The following SOX5 variants were observed in gnomAD, a reference collection of about 807,000 sequenced individuals.
SOX5 encodes the protein SRY-box transcription factor 5.
In SOX5, 9 loss-of-function variants were observed where a neutral mutation model predicts 92.0. That is an observed-to-expected ratio of 0.10 (90% CI 0.06 to 0.17). The LOEUF is 0.17. Among genes scored for constraint, SOX5 ranks in the 10% least tolerant of loss-of-function variants. SOX5 has a pLI of 1.00. For synonymous variants in SOX5, 344 were observed against 336.3 expected, an observed-to-expected ratio of 1.02 and a Z score of -0.25; for missense variants, 642 against 944.5, an observed-to-expected ratio of 0.68 and a Z score of 4.20.
chr12:24,036,302 G>A lies in SOX5; in HGVS notation c.-1-140278C>T, dbSNP rs11047221. Among the ~76,000 whole-genome samples, 1,674 of 152,138 alleles carry A rather than the reference G, an allele frequency of 0.011. 83 individuals carry two copies. In the East Asian group the frequency reaches 0.15, roughly 14 times the overall value. On this transcript the variant is annotated intron_variant, in intron 4 of 4. Transcript: ENST00000446891. ...CCAGTGCCTCCTGGGCCTTAGGAAG[G>A]GGGTAGTCCCATGTGTAAATGATAA... is the stretch of plus-strand genomic sequence containing the variant.
intron 4 of SOX5, among the ~76,000 whole-genome samples, chr12:24,136,559 T>G (rs1950125656): frequency 6.6e-6 from 1 of 152,198 alleles, no homozygotes. Flanking sequence ...GATGCTCTGA[T>G]GACTAAACTA....
chr12:24,129,990 T>A (rs4963747), intron 4 of SOX5, among the ~76,000 whole-genome samples: 108,030 of 152,076 alleles, frequency 0.71, 38,911 homozygotes, highest in East Asian at 0.9. Flanking sequence ...TGTGTGTACA[T>A]GCCTGCATGT....
At chr12:24,254,021 A>C (rs1161717362) in intron 3 of SOX5, among the ~76,000 whole-genome samples, 1 of 152,172 alleles carries the variant, frequency 6.6e-6, no homozygotes, top group Non-Finnish European at 1.5e-5. Flanking sequence ...GGCTTAGAAC[A>C]GTTCCTGACT....
chr12:23,893,708 A>G (rs541978783), intron 2 of SOX5, among the ~76,000 whole-genome samples: 1 of 152,310 alleles, frequency 6.6e-6, no homozygotes, highest in Admixed American at 6.5e-5. Flanking sequence ...GACAGTGATG[A>G]AAGTATTAAA....
At chr12:23,871,842 C>A (rs2096875591) in intron 2 of SOX5, among the ~76,000 whole-genome samples, 2 of 152,050 alleles carry the variant, frequency 1.3e-5, no homozygotes, top group Non-Finnish European at 2.9e-5. Flanking sequence ...CGGCACTGTG[C>A]CTACAGTTCT....
intron 3 of SOX5, chr12:23,762,566 T>C: frequency 1.8e-6 from 1 of 563,868 alleles, no homozygotes; most frequent in Non-Finnish European, 3.1e-6. Flanking sequence ...GCCAAAATAC[T>C]TGTTTGTTTC....
intron 13 of SOX5, among the ~76,000 whole-genome samples, chr12:23,541,187 T>A (rs981828820): frequency 6.6e-6 from 1 of 152,228 alleles, no homozygotes; most frequent in African/African-American, 2.4e-5. Flanking sequence ...CAGTCATCTC[T>A]TTTCCATAGA....
chr12:23,769,755 A>G (rs1016135321), intron 3 of SOX5, among the ~76,000 whole-genome samples: 1 of 152,164 alleles, frequency 6.6e-6, no homozygotes, highest in South Asian at 2.1e-4. Context: ...CAGGAAGTAA[A>G]GGTCTCTGAA....
chr12:23,713,828 C>T (rs966494893), intron 6 of SOX5, among the ~76,000 whole-genome samples: 3 of 150,464 alleles, frequency 2.0e-5, no homozygotes, highest in Admixed American at 1.3e-4. Context: ...CATGGTGGCT[C>T]ACACTGTAAT....
chr12:23,679,073 G>A (rs2086156900), intron 6 of SOX5, among the ~76,000 whole-genome samples: 1 of 152,064 alleles, frequency 6.6e-6, no homozygotes. Context: ...AATCTTTTCT[G>A]CTATAATACA....
chr12:24,382,473 T>G, intron 1 of SOX5, among the ~76,000 whole-genome samples: 1 of 150,668 alleles, frequency 6.6e-6, no homozygotes. Context: ...GGGAAGTCAG[T>G]GAGGAAAGGG....
intron 2 of SOX5, among the ~76,000 whole-genome samples, chr12:24,329,355 C>T (rs768740107): frequency 2.0e-5 from 3 of 151,892 alleles, no homozygotes; most frequent in Non-Finnish European, 4.4e-5. Context: ...TGGCGGCAGG[C>T]GAGAGAGAAG....
intron 8 of SOX5, among the ~76,000 whole-genome samples, chr12:23,635,510 C>T (rs1269978380): frequency 2.0e-5 from 3 of 151,830 alleles, no homozygotes; most frequent in Non-Finnish European, 4.4e-5. Flanking sequence ...ACACACCACA[C>T]CGGGGCCTGT....
intron 3 of SOX5, among the ~76,000 whole-genome samples, chr12:24,237,219 T>C (rs1964687570): frequency 2.0e-5 from 3 of 152,212 alleles, no homozygotes. Flanking sequence ...TTGATTGGTA[T>C]CTTAAGAAGG....
intron 1 of SOX5, among the ~76,000 whole-genome samples, chr12:23,907,107 C>T (rs1017033620): frequency 6.6e-6 from 1 of 152,062 alleles, no homozygotes; most frequent in Non-Finnish European, 1.5e-5. Context: ...ATTGTTCTAT[C>T]GTTGAATAAA....
At chr12:23,963,327 T>C (rs1469255179) in intron 4 of SOX5, among the ~76,000 whole-genome samples, 1 of 152,184 alleles carries the variant, frequency 6.6e-6, no homozygotes, top group African/African-American at 2.4e-5. Context: ...AAAGGAGACA[T>C]CACTTATGTT....
chr12:24,211,679 A>G (rs1006161645), intron 4 of SOX5, among the ~76,000 whole-genome samples: 2 of 152,218 alleles, frequency 1.3e-5, no homozygotes, highest in African/African-American at 4.8e-5. Context: ...AATGTAGTAG[A>G]CCTGCATCAT....
At chr12:23,795,036 G>A (rs908102777) in intron 3 of SOX5, among the ~76,000 whole-genome samples, 4 of 152,040 alleles carry the variant, frequency 2.6e-5, no homozygotes, top group East Asian at 3.9e-4. Context: ...CAGTGGCTAC[G>A]GCTCTTGAAT....
At chr12:24,387,765 C>T (rs1958579345) in intron 1 of SOX5, among the ~76,000 whole-genome samples, 3 of 152,144 alleles carry the variant, frequency 2.0e-5, no homozygotes, top group Admixed American at 2.0e-4. Flanking sequence ...TTTATTTCTC[C>T]AAATCCTACA....
Sources: allele counts gnomAD v4.1 joint callset (sites outside exome capture counted in the v4.1 genomes callset), GRCh38; gene constraint gnomAD v4.1.1; transcripts MANE v1.5; gene names NCBI Gene and HGNC (gene_info 2026-07-23, HGNC 2026-07-21).